Variants in TBC1D20 observed in about 807,000 individuals in gnomAD.
The protein encoded by TBC1D20 is TBC1 domain family member 20, also known as chromosome 20 open reading frame 140.
A neutral mutation model predicts 41.6 loss-of-function variants in TBC1D20; 12 were observed. The observed-to-expected ratio is 0.29, with a 90% confidence interval of 0.18 to 0.47. TBC1D20 has a LOEUF of 0.47. Among genes scored for constraint, TBC1D20 ranks in the 20% least tolerant of loss-of-function variants. The pLI, the probability that TBC1D20 is intolerant of heterozygous loss-of-function variation, is 1.00. For synonymous variants in TBC1D20, 205 were observed against 204.8 expected (o/e 1.00, Z -0.01); for missense variants, 421 against 517.4 (o/e 0.81, Z 1.81).
intron 1 of TBC1D20, among the ~76,000 whole-genome samples, chr20:456,455 A>C (rs2017541421): frequency 6.6e-6 from 1 of 152,212 alleles, no homozygotes; most frequent in Non-Finnish European, 1.5e-5. Flanking sequence ...TAAAAAGATG[A>C]ATTACTCCCT....
chr20:462,202 C>A, intron 1 of TBC1D20, 134 bp downstream of exon 1: 2 of 385,244 alleles, frequency 5.2e-6, no homozygotes, highest in Non-Finnish European at 7.4e-6. Context: ...TCAGCCTGTT[C>A]CTCTCGCCGC....
chr20:441,579 CAT>C lies in TBC1D20; in HGVS notation c.626+7_626+8del, dbSNP rs748227635. 1 of 1,608,610 alleles carries C rather than the reference CAT, an allele frequency of 6.2e-7. No individual in the cohort carries two copies. Among genetic ancestry groups the C allele is most frequent in the East Asian group, 2.2e-5 (1 of 44,868 alleles). On this transcript the variant is annotated splice_region_variant and intron_variant, in intron 5 of 7. Coordinates refer to ENST00000354200, the MANE Select transcript of TBC1D20 (RefSeq NM_144628.4). ...ATGCATGCACACAGAAATGCAGACA[CAT>C]ATGTACCTCTGCATGAAGTCATGGA...
At chr20:451,481 G>A (rs182101706) in intron 1 of TBC1D20, among the ~76,000 whole-genome samples, 6 of 152,316 alleles carry the variant, frequency 3.9e-5, no homozygotes, top group African/African-American at 1.4e-4. Context: ...CTGCAAGGTG[G>A]AGGTTATAGT....
intron 1 of TBC1D20, among the ~76,000 whole-genome samples, chr20:456,933 A>ATT (rs11471255): frequency 1.5e-4 from 19 of 128,218 alleles, no homozygotes; most frequent in African/African-American, 2.7e-4. Context: ...CCTTCTTTTA[A>ATT]TTTTTTTTTT....
intron 6 of TBC1D20, 57 bp downstream of exon 6, chr20:440,191 G>A: frequency 6.3e-7 from 1 of 1,582,202 alleles, no homozygotes; most frequent in East Asian, 2.3e-5. Flanking sequence ...CAGGGAAAAT[G>A]ACCACAGTGG....
rs182504897 is a variant in TBC1D20 at position 449,405 on chromosome 20, G to C, written c.71-1331C>G. 1.7e-3 allele frequency among the ~76,000 whole-genome samples: 253 copies of C among 151,064 alleles called. 1 individual carries two copies. Among genetic ancestry groups the C allele is most frequent in the Non-Finnish European group, 3.2e-3 (216 of 67,852 alleles). ...AGGTCAGGAGTTCGAGACCAGCCTG[G>C]CCAACATGGCAAAACCTCATCTCTA... On this transcript the variant is annotated intron_variant, in intron 1 of 7. Transcript: ENST00000354200.
At chr20:453,181 A>AC (rs2017478234) in intron 1 of TBC1D20, among the ~76,000 whole-genome samples, 2 of 126,610 alleles carry the variant, frequency 1.6e-5, no homozygotes, top group African/African-American at 6.2e-5. Context: ...AAAAAAAAAA[A>AC]AAAAAAACAG....
intron 1 of TBC1D20, among the ~76,000 whole-genome samples, chr20:455,984 C>T (rs2017533082): frequency 6.6e-6 from 1 of 151,220 alleles, no homozygotes; most frequent in South Asian, 2.1e-4. Context: ...AAACCACTGC[C>T]GGGCATGGTT....
chr20:446,751 TCCTC>T (rs994298991), intron 2 of TBC1D20, among the ~76,000 whole-genome samples: 8 of 151,902 alleles, frequency 5.3e-5, no homozygotes, highest in African/African-American at 1.9e-4. Flanking sequence ...TCCTGCCTCA[TCCTC>T]CCAAGCAGCT....
chr20:450,153 ATT>A (rs1350160978), intron 1 of TBC1D20, among the ~76,000 whole-genome samples: 8 of 143,456 alleles, frequency 5.6e-5, no homozygotes, highest in Non-Finnish European at 4.6e-5. Context: ...TCACATAGAG[ATT>A]TTTTTTTTTT....
chr20:442,840 G>A (rs1032756354), intron 3 of TBC1D20, among the ~76,000 whole-genome samples: 1 of 152,224 alleles, frequency 6.6e-6, no homozygotes, highest in Non-Finnish European at 1.5e-5. Context: ...GCTCACGCCT[G>A]TAATCCCAGC....
At position 439,333 on chromosome 20, in the gene TBC1D20, GAC is replaced by G; in HGVS notation, c.769-40_769-39del. The G allele has an allele frequency of 6.5e-7, 1 of 1,531,712 alleles. No individual in the cohort carries two copies. 94.9% of individuals were successfully genotyped at this position (1,531,712 alleles called of 1,614,324 possible). On this transcript the variant is annotated intron_variant, in intron 6 of 7. Transcript: ENST00000354200. This position sits in a 1 kb window ranked among gnomAD's most constrained non-coding sequence, Gnocchi z 4.6. Reference sequence around the variant, plus strand: ...AGTAAAGCCTTGCAGTCAGAGGCCAGACACACAGGGCCTGGGCCACCTGCACT... The same window carrying G: ...AGTAAAGCCTTGCAGTCAGAGGCCAGACACAGGGCCTGGGCCACCTGCACT...
At chr20:442,773 T>C (rs1258565053) in intron 3 of TBC1D20, among the ~76,000 whole-genome samples, 1 of 152,140 alleles carries the variant, frequency 6.6e-6, no homozygotes, top group Admixed American at 6.6e-5. Context: ...TGTCTATGTG[T>C]AAAGCGAAGG....
chr20:448,144 C>G, intron 1 of TBC1D20, 70 bp from the exon 2 acceptor site: 1 of 1,164,118 alleles, frequency 8.6e-7, no homozygotes, highest in Non-Finnish European at 1.3e-6. Flanking sequence ...AGGACTCAAG[C>G]TCCTTTTTGA....
intron 2 of TBC1D20, among the ~76,000 whole-genome samples, chr20:447,545 C>T (rs929795989): frequency 1.3e-5 from 2 of 151,956 alleles, no homozygotes; most frequent in African/African-American, 4.8e-5. Context: ...GTAATCCCAG[C>T]TACTAGGAAG....
At chr20:450,114 C>T (rs553664010) in intron 1 of TBC1D20, among the ~76,000 whole-genome samples, 37 of 151,934 alleles carry the variant, frequency 2.4e-4, no homozygotes, top group Non-Finnish European at 4.4e-4. Context: ...TCCTGTTACA[C>T]GCTACTACAA....
rs746695400 is a variant in TBC1D20 at position 457,942 on chromosome 20, AT to A, written c.70+4393del. On this transcript the variant is annotated intron_variant, in intron 1 of 7. Coordinates refer to ENST00000354200, the MANE Select transcript of TBC1D20 (RefSeq NM_144628.4). ...CCAACAAAGAGAAAAAACCTAACAT[AT>A]TTAATTTTTTTTTAACTTGGGAGTA... is the stretch of plus-strand genomic sequence containing the variant. Among the ~76,000 whole-genome samples, 131 of 151,620 alleles carry A rather than the reference AT, an allele frequency of 8.6e-4. 1 individual carries two copies. The highest frequency in any genetic ancestry group is 1.5e-3 in the Non-Finnish European group (104 of 67,604).
intron 3 of TBC1D20, among the ~76,000 whole-genome samples, chr20:444,246 A>G (rs2017289987): frequency 6.6e-6 from 1 of 152,202 alleles, no homozygotes; most frequent in Non-Finnish European, 1.5e-5. Flanking sequence ...CTGGCAGGCT[A>G]CTGCTACCTG....
At chr20:455,425 C>G (rs991605177) in intron 1 of TBC1D20, among the ~76,000 whole-genome samples, 5 of 152,130 alleles carry the variant, frequency 3.3e-5, no homozygotes, top group African/African-American at 1.2e-4. Flanking sequence ...CGAGACCAGC[C>G]TGACCAACAT....
Sources: gnomAD v4.1 joint callset for allele counts (sites outside exome capture counted in the v4.1 genomes callset) on GRCh38, gnomAD v4.1.1 for gene constraint, Gnocchi (gnomAD v3.1) non-coding constraint, MANE v1.5 for transcripts, NCBI Gene and HGNC (gene_info 2026-07-23, HGNC 2026-07-21) for gene names.